The following NUP188 variants were observed in gnomAD, a reference collection of about 807,000 sequenced individuals.
NUP188 encodes the protein nucleoporin NUP188.
Under a neutral mutation model 223.0 loss-of-function variants are expected in NUP188, and 97 were observed. The observed-to-expected ratio is 0.43, with a 90% CI of 0.37 to 0.51. The LOEUF (loss-of-function observed/expected upper bound fraction) is 0.51. Ranked by LOEUF, NUP188 falls within the 20% of genes least tolerant of loss-of-function variation. NUP188 has a pLI of 0.00. For missense variants in NUP188, 1,947 were observed against 2,175.6 expected, an observed-to-expected ratio of 0.89 and a Z score of 2.09; for synonymous variants, 869 against 828.0, an observed-to-expected ratio of 1.05 and a Z score of -0.85.
chr9:128,980,641 T>G lies in NUP188; in HGVS notation c.1305T>G (p.Ser435Arg). 1 of 1,614,124 alleles carries G rather than the reference T, an allele frequency of 6.2e-7. No homozygotes were observed. Among genetic ancestry groups the G allele is most frequent in the Non-Finnish European group, 8.5e-7 (1 of 1,179,984 alleles). ...CTGGCCTTGGGATCATTCTGGACAG[T>G]GTGTGTGGAATGTTTCCCCACCTTC... Reference protein sequence around the residue: ...PTSGLGIILDSVCGMFPHLLS... With the variant: ...PTSGLGIILDRVCGMFPHLLS... Residue 435 changes from serine (S) to arginine (R), a missense_variant, in exon 14 of 44, where the codon AGT becomes AGG. Around this residue, in one of 3 missense-constraint regions of NUP188, gnomAD observed 817 missense variants for 865.8 expected, o/e 0.94. Transcript: ENST00000372577.
At chr9:128,979,216 G>A in intron 12 of NUP188, 46 bp from the exon 13 acceptor site, 1 of 1,370,042 alleles carries the variant, frequency 7.3e-7, no homozygotes, top group Middle Eastern at 1.8e-4. Flanking sequence ...AGATAGACTG[G>A]TTCAGCTAGG....
chr9:128,957,928 T>A (rs1357660918), intron 5 of NUP188, 82 bp from the exon 6 acceptor site: 7 of 993,964 alleles, frequency 7.0e-6, no homozygotes, highest in Non-Finnish European at 1.1e-5. Context: ...TCTTGAAGGA[T>A]GAAGTGAAGG....
chr9:128,999,481 C>A, intron 33 of NUP188, 143 bp from the exon 34 acceptor site: 4 of 1,149,348 alleles, frequency 3.5e-6, no homozygotes, highest in African/African-American at 1.5e-5. Context: ...CCTCATGTGT[C>A]TCTCCCTCCT....
At chr9:128,986,988 C>G (rs1842342211) in intron 22 of NUP188, 113 bp downstream of exon 22, 2 of 837,950 alleles carry the variant, frequency 2.4e-6, no homozygotes. Flanking sequence ...GAGCCCAGAA[C>G]TCAGTAATCT....
chr9:128,980,994 C>G (rs1164273028), intron 14 of NUP188, among the ~76,000 whole-genome samples: 1 of 152,058 alleles, frequency 6.6e-6, no homozygotes, highest in African/African-American at 2.4e-5. Flanking sequence ...AAATAAATAG[C>G]TAAGAGCCAG....
At chr9:128,968,463 C>A in intron 8 of NUP188, 43 bp from the exon 9 acceptor site, 2 of 1,467,790 alleles carry the variant, frequency 1.4e-6, no homozygotes, top group South Asian at 1.2e-5. Flanking sequence ...TGTTTTTAAT[C>A]TCATGTTATT....
chr9:128,949,028 A>T, intron 1 of NUP188, 161 bp from the exon 2 acceptor site: 1 of 557,050 alleles, frequency 1.8e-6, no homozygotes, highest in Non-Finnish European at 3.2e-6. Context: ...CCCGGCCCTA[A>T]CAATATTATT....
intron 1 of NUP188, chr9:128,948,967 C>T (rs1379309673): frequency 3.5e-5 from 13 of 372,636 alleles, no homozygotes; most frequent in Non-Finnish European, 4.9e-5. Flanking sequence ...CCTCATGATC[C>T]GCCCGCCTCG....
At chr9:128,951,818 G>GT (rs1468192693) in intron 2 of NUP188, among the ~76,000 whole-genome samples, 2 of 147,938 alleles carry the variant, frequency 1.4e-5, no homozygotes, top group African/African-American at 5.0e-5. Flanking sequence ...TTGAGACGGA[G>GT]TTTCGTGCTT....
chr9:128,968,361 C>G lies in NUP188; in HGVS notation c.586-145C>G, dbSNP rs529763282. On this transcript the variant is annotated intron_variant, in intron 8 of 43. Transcript: ENST00000372577. ...GAGGCTGAGGTAGGAGGATCAGTTG[C>G]GTGTAGCAGTTTGAGCAGCCATAAT... is the stretch of plus-strand genomic sequence containing the variant. The G allele has an allele frequency of 3.2e-4, 202 of 632,248 alleles. 3 individuals are homozygous for G. In the South Asian group the frequency reaches 3.8e-3, roughly 12 times the overall value. 39.2% of individuals were successfully genotyped at this position (632,248 alleles called of 1,614,324 possible). A position where few individuals can be genotyped will look rare whatever the true frequency, so the allele number is the denominator to read the frequency against.
At chr9:128,966,398 A>G (rs1416098505) in intron 8 of NUP188, among the ~76,000 whole-genome samples, 1 of 149,994 alleles carries the variant, frequency 6.7e-6, no homozygotes, top group Non-Finnish European at 1.5e-5. Flanking sequence ...TTTTTTTGAG[A>G]CAGGTTCTTT....
chr9:129,004,502 T>TTTTA (rs1164989699), intron 38 of NUP188: 2 of 152,080 alleles, frequency 1.3e-5, no homozygotes, highest in Admixed American at 6.6e-5. Flanking sequence ...CCTCATCTTA[T>TTTTA]TTTATTTATT....
chr9:128,956,282 A>G, intron 3 of NUP188, 68 bp from the exon 4 acceptor site: 1 of 950,488 alleles, frequency 1.1e-6, no homozygotes, highest in Non-Finnish European at 1.5e-6. Context: ...AAAATATTTT[A>G]AAATATTTTT....
Position 128,956,729 on chromosome 9 carries a change from G to A in NUP188, c.247-223G>A, listed in dbSNP as rs116076678. On this transcript the variant is annotated intron_variant, in intron 4 of 43. Transcript: ENST00000372577. ...CTGTATTAATGTGCTTAGTGAATAA[G>A]CATCGTTGTTTCTGGCATGTACATT... Among the ~76,000 whole-genome samples the A allele has an allele frequency of 2.1e-3, 314 of 152,238 alleles. 2 individuals are homozygous for A. Among genetic ancestry groups the A allele is most frequent in the African/African-American group, 7.2e-3 (298 of 41,532 alleles).
At chr9:128,993,801 G>T in intron 27 of NUP188, 107 bp downstream of exon 27, 1 of 976,842 alleles carries the variant, frequency 1.0e-6, no homozygotes, top group Non-Finnish European at 1.5e-6. Flanking sequence ...GAATAAGAGT[G>T]CTTAGTCCTG....
Position 128,998,204 on chromosome 9 carries a change from C to G in NUP188, c.3405C>G (p.Asp1135Glu), listed in dbSNP as rs371952739. ...DSVVRRQLFL[D>E]VLDGTKALLL... ...TGGTGCGTCGCCAGCTCTTTCTTGA[C>G]GTGCTTGATGGAACCAAAGCATTAG... Residue 1135 changes from aspartate to glutamate, a missense_variant, in exon 31 of 44, where the codon GAC (aspartate) becomes GAG (glutamate). Coordinates refer to ENST00000372577, the MANE Select transcript of NUP188 (RefSeq NM_015354.3). 1 of 1,613,740 alleles carries G rather than the reference C, an allele frequency of 6.2e-7. No homozygotes were observed.
intron 19 of NUP188, among the ~76,000 whole-genome samples, chr9:128,984,143 T>TTTTTTTTTTTTTTTTTTGGG (rs1842297844): frequency 6.9e-6 from 1 of 145,030 alleles, no homozygotes. Flanking sequence ...TTTTTTTTTT[T>TTTTTTTTTTTTTTTTTTGGG]GAGATGGAGT....
intron 3 of NUP188, 123 bp from the exon 4 acceptor site, chr9:128,956,227 G>A: frequency 1.9e-6 from 1 of 519,764 alleles, no homozygotes; most frequent in Non-Finnish European, 3.4e-6. Flanking sequence ...GTGTGTTTGT[G>A]TGTGTGTTTA....
intron 10 of NUP188, 86 bp from the exon 11 acceptor site, chr9:128,970,672 T>A: frequency 5.3e-6 from 6 of 1,141,550 alleles, no homozygotes; most frequent in Non-Finnish European, 7.8e-6. Context: ...CTTTATGGCT[T>A]GCTTATTGAG....
Sources: allele counts gnomAD v4.1 joint callset (sites outside exome capture counted in the v4.1 genomes callset), GRCh38; gene constraint gnomAD v4.1.1; regional missense constraint gnomAD v4.1.1; transcripts MANE v1.5; gene names NCBI Gene and HGNC (gene_info 2026-07-23, HGNC 2026-07-21).